Variants in CYP20A1 observed in about 807,000 individuals in gnomAD.
CYP20A1 encodes cytochrome P450 20A1.
Under a neutral mutation model 61.4 loss-of-function variants are expected in CYP20A1, and 61 were observed. The observed-to-expected ratio is 0.99, with a 90% CI of 0.81 to 1.23. The LOEUF (loss-of-function observed/expected upper bound fraction) is 1.23, where lower values mean the gene tolerates loss of function less well. Among genes scored for constraint, CYP20A1 ranks in the 50% most tolerant of loss-of-function variants. The pLI is 0.00. For missense variants in CYP20A1, 530 were observed against 542.4 expected (o/e 0.98, Z 0.23); for synonymous variants, 193 against 188.2 (o/e 1.03, Z -0.21).
At chr2:203,295,647 A>G (rs1183433447) in intron 11 of CYP20A1, among the ~76,000 whole-genome samples, 1 of 152,210 alleles carries the variant, frequency 6.6e-6, no homozygotes, top group Non-Finnish European at 1.5e-5. Context: ...TGCATCTATC[A>G]TTTAGAAATA....
intron 6 of CYP20A1, among the ~76,000 whole-genome samples, chr2:203,276,963 A>G (rs2067846096): frequency 6.6e-6 from 1 of 152,188 alleles, no homozygotes; most frequent in Non-Finnish European, 1.5e-5. Context: ...AAGAGATTGA[A>G]AAAGAATCAA....
chr2:203,246,691 C>A, intron 2 of CYP20A1, 64 bp from the exon 3 acceptor site: 1 of 1,495,060 alleles, frequency 6.7e-7, no homozygotes, highest in Non-Finnish European at 9.2e-7. Context: ...TCAGAGTCAA[C>A]TGTTGTTTTT....
rs1198104617 is a variant in CYP20A1 at position 203,285,594 on chromosome 2, A to G, written c.851-18A>G. On this transcript the variant is annotated intron_variant, in intron 8 of 12. Transcript: ENST00000356079. ...GAGTTAGCTATTTTCATTGTTATTC[A>G]TATAATGTTTGACCTAGTGTGTACC... 3.2e-6 allele frequency: 5 copies of G among 1,543,802 alleles called. No individual in the cohort carries two copies. Among genetic ancestry groups the G allele is most frequent in the Non-Finnish European group, 4.3e-6 (5 of 1,154,846 alleles).
intron 6 of CYP20A1, among the ~76,000 whole-genome samples, chr2:203,273,008 A>T (rs186214273): frequency 3.3e-5 from 5 of 151,968 alleles, no homozygotes; most frequent in African/African-American, 1.2e-4. Context: ...CACCACGCCC[A>T]GCTAATTTTT....
chr2:203,269,015 C>A (rs1403185184), intron 5 of CYP20A1, among the ~76,000 whole-genome samples: 1 of 152,190 alleles, frequency 6.6e-6, no homozygotes, highest in Non-Finnish European at 1.5e-5. Context: ...AAAAAACATA[C>A]ATCTTTCCTT....
rs976444187 is a variant in CYP20A1 at position 203,305,979 on chromosome 2, A to G, written c.*9071A>G. On this transcript the variant is annotated 3_prime_UTR_variant, in exon 13 of 13. Coordinates refer to ENST00000356079, the MANE Select transcript of CYP20A1 (RefSeq NM_177538.3). The stretch of plus-strand genomic sequence containing the variant: ...TCATGCCTGTGTTAGATGTGAACAT[A>G]GATTTATAATATAGTACTATACAAA... Among the ~76,000 whole-genome samples the G allele has an allele frequency of 1.3e-5, 2 of 152,198 alleles. No homozygotes were observed. The highest frequency in any genetic ancestry group is 2.9e-5 in the Non-Finnish European group (2 of 68,044).
At chr2:203,239,839 C>T (rs1001170472) in intron 1 of CYP20A1, among the ~76,000 whole-genome samples, 3 of 152,116 alleles carry the variant, frequency 2.0e-5, no homozygotes, top group African/African-American at 7.2e-5. Context: ...GTCTTTAAAA[C>T]CTGTTCTACA....
chr2:203,242,730 G>A (rs917717059), intron 1 of CYP20A1, among the ~76,000 whole-genome samples: 20 of 152,068 alleles, frequency 1.3e-4, no homozygotes, highest in African/African-American at 4.1e-4. Flanking sequence ...GATCGAGGCT[G>A]CAGTTAGCCA....
chr2:203,289,705 A>G lies in CYP20A1; in HGVS notation c.972-60A>G, dbSNP rs2068449553. The G allele has an allele frequency of 8.4e-6, 7 of 836,414 alleles. No homozygotes were observed. In the Admixed American group the frequency reaches 1.4e-4, roughly 17 times the overall value. The allele number at this position is 836,414 out of a possible 1,614,324, so 51.8% of individuals were successfully genotyped here. Reference sequence around the variant, plus strand: ...TTGTTGAAGAACGTTTTTTAAATGTATGTACATTTCTAACTGCCTCCCAAA... The same window carrying G: ...TTGTTGAAGAACGTTTTTTAAATGTGTGTACATTTCTAACTGCCTCCCAAA... On this transcript the variant is annotated intron_variant, in intron 9 of 12. Coordinates refer to ENST00000356079, the MANE Select transcript of CYP20A1 (RefSeq NM_177538.3).
chr2:203,289,318 G>T (rs1253269101), intron 9 of CYP20A1, among the ~76,000 whole-genome samples: 2 of 152,130 alleles, frequency 1.3e-5, no homozygotes, highest in East Asian at 3.9e-4. Context: ...ATACATGAAA[G>T]ATATATTTAC....
chr2:203,275,423 A>C lies in CYP20A1; in HGVS notation c.679+2675A>C, dbSNP rs181845874. Among the ~76,000 whole-genome samples, 546 of 150,980 alleles carry C rather than the reference A, an allele frequency of 3.6e-3. 1 individual carries two copies. Among genetic ancestry groups the C allele is most frequent in the Non-Finnish European group, 4.9e-3 (332 of 67,716 alleles). ...TTCTTTATAGTGTTAATAATTTCTT[A>C]TTTTCTTTTCTTTTTTTTTGTTTTT... On this transcript the variant is annotated intron_variant, in intron 6 of 12. Coordinates refer to ENST00000356079, the MANE Select transcript of CYP20A1 (RefSeq NM_177538.3).
chr2:203,253,956 CT>C (rs1268241850), intron 4 of CYP20A1, among the ~76,000 whole-genome samples: 1 of 150,518 alleles, frequency 6.6e-6, no homozygotes, highest in African/African-American at 2.4e-5. Context: ...TTCTTTTTTT[CT>C]TTTTTTTTGA....
intron 4 of CYP20A1, among the ~76,000 whole-genome samples, chr2:203,263,485 T>C (rs1193903626): frequency 6.6e-6 from 1 of 151,608 alleles, no homozygotes; most frequent in African/African-American, 2.4e-5. Flanking sequence ...AGAATGGGTT[T>C]CACCATGTTG....
intron 8 of CYP20A1, among the ~76,000 whole-genome samples, chr2:203,283,582 C>G (rs1165778079): frequency 6.1e-5 from 8 of 132,192 alleles, no homozygotes; most frequent in Non-Finnish European, 1.1e-4. Context: ...CTGAGTCTTG[C>G]TCTGTCACCA....
intron 5 of CYP20A1, 124 bp downstream of exon 5, chr2:203,266,805 A>G: frequency 1.3e-6 from 1 of 765,308 alleles, no homozygotes; most frequent in Non-Finnish European, 2.2e-6. Flanking sequence ...ACATGGTAAA[A>G]ACGTGTCTCT....
intron 9 of CYP20A1, among the ~76,000 whole-genome samples, chr2:203,288,860 A>T (rs1413353092): frequency 6.6e-6 from 1 of 152,198 alleles, no homozygotes; most frequent in East Asian, 1.9e-4. Flanking sequence ...TTTAATCTGT[A>T]AAATTAGAAT....
intron 4 of CYP20A1, among the ~76,000 whole-genome samples, chr2:203,253,622 ACAG>A (rs1198338471): frequency 6.6e-6 from 1 of 152,238 alleles, no homozygotes; most frequent in African/African-American, 2.4e-5. Flanking sequence ...AGTTAATCAT[ACAG>A]TGACAGGTCA....
chr2:203,294,975 C>CA (rs1268233360), intron 11 of CYP20A1, among the ~76,000 whole-genome samples: 1 of 26,864 alleles, frequency 3.7e-5, no homozygotes, highest in African/African-American at 1.8e-4. Context: ...TTTTTTGAGA[C>CA]AGAGTCTCAC....
chr2:203,271,683 G>T (rs985520788), intron 5 of CYP20A1, among the ~76,000 whole-genome samples: 1 of 152,070 alleles, frequency 6.6e-6, no homozygotes, highest in Admixed American at 6.6e-5. Context: ...CAATATTACA[G>T]GTGAAACAGA....
Sources: allele counts gnomAD v4.1 joint callset (sites outside exome capture counted in the v4.1 genomes callset), GRCh38; gene constraint gnomAD v4.1.1; transcripts MANE v1.5; gene names NCBI Gene and HGNC (gene_info 2026-07-23, HGNC 2026-07-21).